Variants in RGS6 observed in about 807,000 individuals in gnomAD.
The protein encoded by RGS6 is regulator of G protein signaling 6.
Under a neutral mutation model 78.5 loss-of-function variants are expected in RGS6, and 30 were observed. That is an observed-to-expected ratio of 0.38 (90% confidence interval 0.29 to 0.52). RGS6 has a LOEUF of 0.52. RGS6 is among the 20% of genes least tolerant of loss of function. The pLI is 0.85. For missense variants in RGS6, 495 were observed against 609.7 expected (o/e 0.81, Z 1.98); for synonymous variants, 206 against 206.0 (o/e 1.00, Z 0.00).
chr14:72,297,065 T>A (rs933843835), intron 2 of RGS6, among the ~76,000 whole-genome samples: 2 of 152,188 alleles, frequency 1.3e-5, no homozygotes, highest in African/African-American at 4.8e-5. Flanking sequence ...TTTGATATCT[T>A]TGTTGAAATT....
the RGS6 span, among the ~76,000 whole-genome samples, chr14:71,900,716 G>A: frequency 6.6e-6 from 1 of 152,080 alleles, no homozygotes; most frequent in Admixed American, 6.6e-5. Flanking sequence ...TGCTGTGTTA[G>A]GCTGTTTTTT....
chr14:72,147,896 C>T (rs1014605176), intron 2 of RGS6, among the ~76,000 whole-genome samples: 8 of 152,090 alleles, frequency 5.3e-5, no homozygotes, highest in African/African-American at 1.9e-4. Context: ...CTTTGGGAGG[C>T]CAAGGCGGGC....
chr14:71,999,169 A>G (rs2082913929), intron 2 of RGS6, among the ~76,000 whole-genome samples: 1 of 152,230 alleles, frequency 6.6e-6, no homozygotes, highest in Non-Finnish European at 1.5e-5. Context: ...ATTCTCAATA[A>G]TTATCGTAGG....
the RGS6 span, among the ~76,000 whole-genome samples, chr14:71,881,068 G>A: frequency 6.6e-6 from 1 of 152,174 alleles, no homozygotes; most frequent in Admixed American, 6.5e-5. Context: ...GATCATTCTG[G>A]AGCTTTAAGA....
intron 2 of RGS6, among the ~76,000 whole-genome samples, chr14:72,113,431 G>A (rs562845524): frequency 6.6e-6 from 1 of 152,280 alleles, no homozygotes; most frequent in African/African-American, 2.4e-5. Flanking sequence ...AGCCCCAGAA[G>A]CCATCATAAT....
At chr14:71,974,893 G>A (rs1428233807) in intron 2 of RGS6, among the ~76,000 whole-genome samples, 2 of 152,230 alleles carry the variant, frequency 1.3e-5, no homozygotes, top group Non-Finnish European at 2.9e-5. Flanking sequence ...TGTAATCCCA[G>A]CACTTGGGAG....
intron 2 of RGS6, among the ~76,000 whole-genome samples, chr14:71,981,389 G>C (rs2153122661): frequency 6.6e-6 from 1 of 152,204 alleles, no homozygotes; most frequent in South Asian, 2.1e-4. Flanking sequence ...CCATCTTTGT[G>C]GTTTTATCTG....
chr14:71,991,961 G>A lies in RGS6; in HGVS notation c.84+27086G>A, dbSNP rs570801043. Among the ~76,000 whole-genome samples, 14 of 152,086 alleles carry A rather than the reference G, an allele frequency of 9.2e-5. 1 individual carries two copies. The highest frequency in any genetic ancestry group is 3.4e-4 in the African/African-American group (14 of 41,470). ...TTCTAATAAAACTTTATGAAAACAG[G>A]CAGTGAGCCAGATTTGGCCCATGGG... On this transcript the variant is annotated intron_variant, in intron 2 of 17. Transcript: ENST00000553525.
chr14:72,436,040 A>G (rs1232418471), intron 3 of RGS6, among the ~76,000 whole-genome samples: 3 of 152,142 alleles, frequency 2.0e-5, no homozygotes, highest in Non-Finnish European at 4.4e-5. Flanking sequence ...AGGTGTCTCA[A>G]CTGGGAAGGA....
chr14:72,122,643 A>G (rs1314325315), intron 2 of RGS6, among the ~76,000 whole-genome samples: 2 of 152,112 alleles, frequency 1.3e-5, no homozygotes, highest in African/African-American at 4.8e-5. Context: ...AGATTCTTAA[A>G]TAAGAGCAGG....
chr14:71,996,959 C>T (rs1282047256), intron 2 of RGS6, among the ~76,000 whole-genome samples: 2 of 152,002 alleles, frequency 1.3e-5, no homozygotes, highest in African/African-American at 4.8e-5. Flanking sequence ...GTGAGAATAA[C>T]ATAGAGTTCT....
chr14:72,172,158 C>G (rs2097030356), intron 2 of RGS6, among the ~76,000 whole-genome samples: 1 of 152,000 alleles, frequency 6.6e-6, no homozygotes, highest in East Asian at 1.9e-4. Flanking sequence ...CATTCCTTTC[C>G]TAATGGGCTG....
intron 2 of RGS6, among the ~76,000 whole-genome samples, chr14:72,150,076 T>A (rs2096662179): frequency 6.6e-6 from 1 of 152,234 alleles, no homozygotes; most frequent in Non-Finnish European, 1.5e-5. Context: ...AATGTTACTT[T>A]ATATGGAAAT....
At chr14:72,031,131 A>G (rs2090820424) in intron 2 of RGS6, among the ~76,000 whole-genome samples, 3 of 152,112 alleles carry the variant, frequency 2.0e-5, no homozygotes, top group South Asian at 2.1e-4. Context: ...GATCATGTTC[A>G]TTCAAAGGGA....
At chr14:72,146,100 G>A (rs1263877423) in intron 2 of RGS6, among the ~76,000 whole-genome samples, 1 of 152,114 alleles carries the variant, frequency 6.6e-6, no homozygotes. Context: ...ATGGTGGAGG[G>A]CAGGAAAGCA....
intron 2 of RGS6, among the ~76,000 whole-genome samples, chr14:72,013,510 G>T (rs964641206): frequency 2.6e-5 from 4 of 152,148 alleles, no homozygotes; most frequent in African/African-American, 4.8e-5. Context: ...GACAAATGAA[G>T]GAAGAATTAG....
At chr14:72,029,416 A>G (rs74060463) in intron 2 of RGS6, among the ~76,000 whole-genome samples, 6,659 of 152,288 alleles carry the variant, frequency 0.044, 181 homozygotes, top group African/African-American at 0.078. Flanking sequence ...GGATTTCTTG[A>G]TTATGAAAGT....
the RGS6 span, among the ~76,000 whole-genome samples, chr14:72,583,279 C>A: frequency 6.6e-6 from 1 of 152,190 alleles, no homozygotes; most frequent in Admixed American, 6.5e-5. Context: ...GACTCCTTGG[C>A]CTCCATAATG....
intron 2 of RGS6, among the ~76,000 whole-genome samples, chr14:72,015,284 T>C (rs1320927927): frequency 1.3e-5 from 2 of 152,122 alleles, no homozygotes; most frequent in African/African-American, 4.8e-5. Flanking sequence ...TTGAGGGAAC[T>C]AGTGGAGTGA....
Sources: allele counts gnomAD v4.1 joint callset (sites outside exome capture counted in the v4.1 genomes callset), GRCh38; gene constraint gnomAD v4.1.1; transcripts MANE v1.5; gene names NCBI Gene and HGNC (gene_info 2026-07-23, HGNC 2026-07-21).